DENND4C: variants seen among roughly 807,000 people sequenced by gnomAD.
The protein encoded by DENND4C is DENN domain containing 4C, also known as DENN domain-containing protein 4C.
Under a neutral mutation model 203.0 loss-of-function variants are expected in DENND4C, and 108 were observed. The ratio of observed to expected loss-of-function variants is 0.53; its 90% CI spans 0.46 to 0.62. DENND4C has a LOEUF of 0.62. Among genes scored for constraint, DENND4C ranks in the 20% least tolerant of loss-of-function variants. DENND4C has a pLI of 0.00. For synonymous variants in DENND4C, 871 were observed against 792.4 expected (o/e 1.10, Z -1.67); for missense variants, 2,481 against 2,301.2 (o/e 1.08, Z -1.60).
chr9:19,371,996 T>C, intron 32 of DENND4C, 41 bp from the exon 33 acceptor site: 1 of 1,591,676 alleles, frequency 6.3e-7, no homozygotes, highest in Non-Finnish European at 8.6e-7. Flanking sequence ...CTGTTGTCTT[T>C]CTTAACAAAT....
chr9:19,274,684 T>C (rs1832506715), intron 1 of DENND4C, among the ~76,000 whole-genome samples: 1 of 152,274 alleles, frequency 6.6e-6, no homozygotes, highest in South Asian at 2.1e-4. Flanking sequence ...ATAAAAGATT[T>C]AATGATTCCT....
intron 6 of DENND4C, 41 bp downstream of exon 6, chr9:19,296,287 G>A (rs995306255): frequency 4.5e-5 from 59 of 1,309,258 alleles, no homozygotes; most frequent in Middle Eastern, 4.2e-4. Flanking sequence ...GGAAAACTGG[G>A]TATATAAATA....
At chr9:19,262,076 CTTTTTTTT>C (rs60223074) in intron 1 of DENND4C, among the ~76,000 whole-genome samples, 4 of 55,446 alleles carry the variant, frequency 7.2e-5, no homozygotes, top group Non-Finnish European at 1.0e-4. Context: ...TTTATTAGTT[CTTTTTTTT>C]TTTTTTTTTT....
intron 1 of DENND4C, among the ~76,000 whole-genome samples, chr9:19,267,833 C>G (rs563354562): frequency 1.4e-4 from 22 of 152,192 alleles, no homozygotes; most frequent in African/African-American, 5.3e-4. Flanking sequence ...ACCACTGTGC[C>G]CAGCCTGTTT....
chr9:19,294,638 C>G (rs371182341), intron 5 of DENND4C, among the ~76,000 whole-genome samples: 4 of 152,232 alleles, frequency 2.6e-5, no homozygotes, highest in Admixed American at 6.5e-5. Context: ...ACAACCCAAA[C>G]GTGCATCAAC....
chr9:19,294,541 C>A (rs1837025814), intron 5 of DENND4C, among the ~76,000 whole-genome samples: 1 of 152,084 alleles, frequency 6.6e-6, no homozygotes, highest in Non-Finnish European at 1.5e-5. Flanking sequence ...TAGGCATATA[C>A]CTAAAATAAT....
At chr9:19,301,830 G>A (rs1838645448) in intron 9 of DENND4C, among the ~76,000 whole-genome samples, 2 of 152,058 alleles carry the variant, frequency 1.3e-5, no homozygotes, top group South Asian at 2.1e-4. Context: ...CCAGCTACTC[G>A]GGAGGCTGAG....
At position 19,300,215 on chromosome 9, in the gene DENND4C, A is replaced by G. The variant is rs1387461306; in HGVS notation, c.1195A>G (p.Asn399Asp). ...SGANFSTLLM[N>D]LGPENCATLL... ...AGCCAACTTTAGCACCTTGCTAATG[A>G]ATCTGGGTCCTGAGAATTGTGCAAC... is the stretch of plus-strand genomic sequence containing the variant. Residue 399 changes from asparagine (N) to aspartate (D), a missense_variant, in exon 9 of 33, where the codon AAT becomes GAT. Transcript: ENST00000434457. The G allele has an allele frequency of 4.3e-6, 7 of 1,610,930 alleles. No homozygotes were observed. The South Asian group carries it at 5.5e-5, about 13-fold the overall frequency.
chr9:19,316,139 A>G (rs1346792704), intron 10 of DENND4C, among the ~76,000 whole-genome samples: 2 of 152,228 alleles, frequency 1.3e-5, no homozygotes, highest in African/African-American at 4.8e-5. Context: ...TTATAATTCT[A>G]AAATGTAACT....
At chr9:19,244,579 AAAT>A (rs1040813853) in intron 1 of DENND4C, among the ~76,000 whole-genome samples, 1 of 151,850 alleles carries the variant, frequency 6.6e-6, no homozygotes, top group Non-Finnish European at 1.5e-5. Context: ...TCTGTCCTAA[AAAT>A]ACAAAAAATT....
intron 9 of DENND4C, among the ~76,000 whole-genome samples, chr9:19,302,844 C>G (rs1203688891): frequency 6.6e-6 from 1 of 152,170 alleles, no homozygotes; most frequent in African/African-American, 2.4e-5. Context: ...AAGCACTCTT[C>G]TCTTATATAT....
intron 26 of DENND4C, among the ~76,000 whole-genome samples, chr9:19,353,503 C>T (rs1470106601): frequency 6.6e-6 from 1 of 151,970 alleles, no homozygotes; most frequent in Non-Finnish European, 1.5e-5. Context: ...CGGCGTGCGC[C>T]TGTAGTCCCA....
chr9:19,252,120 T>A (rs1247232498), intron 1 of DENND4C, among the ~76,000 whole-genome samples: 1 of 152,206 alleles, frequency 6.6e-6, no homozygotes, highest in African/African-American at 2.4e-5. Flanking sequence ...TTATTGGACT[T>A]ACAGTTCCAT....
intron 1 of DENND4C, among the ~76,000 whole-genome samples, chr9:19,264,231 T>G (rs143762764): frequency 6.6e-6 from 1 of 152,130 alleles, no homozygotes; most frequent in Non-Finnish European, 1.5e-5. Flanking sequence ...TTTGGTAGGT[T>G]GTATGTTTCT....
chr9:19,335,834 T>C (rs1820341102), intron 18 of DENND4C, among the ~76,000 whole-genome samples: 1 of 152,224 alleles, frequency 6.6e-6, no homozygotes, highest in East Asian at 1.9e-4. Context: ...TACAGATCTC[T>C]CTTCAATATA....
rs757401838 is a variant in DENND4C, at chr9:19,346,846, C to G, written c.4077C>G (p.Phe1359Leu). The G allele has an allele frequency of 1.7e-5, 28 of 1,614,112 alleles. No individual in the cohort carries two copies. Among genetic ancestry groups the G allele is most frequent in the Non-Finnish European group, 2.1e-5 (25 of 1,180,054 alleles). The change falls in exon 23 of 33, where the codon TTC becomes TTG. Residue 1359 changes from phenylalanine (F) to leucine (L), a missense_variant. Transcript: ENST00000434457. ...VSRSKTFTGR[F>L]KQQTPSRTHK... ...GGTCTAAAACTTTTACTGGGCGTTT[C>G]AAGCAGCAAACCCCCTCTCGAACTC...
chr9:19,302,498 G>C (rs758395506), intron 9 of DENND4C, among the ~76,000 whole-genome samples: 2 of 151,848 alleles, frequency 1.3e-5, no homozygotes, highest in South Asian at 2.1e-4. Flanking sequence ...GTCCTTGCAG[G>C]GTCCTTTGTG....
At chr9:19,285,340 A>G (rs1834975264) in intron 2 of DENND4C, among the ~76,000 whole-genome samples, 1 of 152,162 alleles carries the variant, frequency 6.6e-6, no homozygotes. Context: ...ACTTACTTAA[A>G]GTGTACAATT....
chr9:19,371,116 T>G (rs1049060771), intron 31 of DENND4C, among the ~76,000 whole-genome samples: 2 of 147,982 alleles, frequency 1.4e-5, no homozygotes, highest in African/African-American at 5.2e-5. Flanking sequence ...AGAATCAGCC[T>G]TACGTCTTTT....
Sources: allele counts gnomAD v4.1 joint callset (sites outside exome capture counted in the v4.1 genomes callset), GRCh38; gene constraint gnomAD v4.1.1; transcripts MANE v1.5; gene names NCBI Gene and HGNC (gene_info 2026-07-23, HGNC 2026-07-21).